NAE1: variants seen among roughly 807,000 people sequenced by gnomAD.
The protein encoded by NAE1 is NEDD8 activating enzyme E1 subunit 1.
Under a neutral mutation model 88.0 loss-of-function variants are expected in NAE1, and 59 were observed. The observed-to-expected ratio is 0.67, with a 90% CI of 0.54 to 0.83. The LOEUF is 0.83. NAE1 is among the 40% of genes least tolerant of loss of function. The pLI, the probability that NAE1 is intolerant of heterozygous loss-of-function variation, is 0.00. For missense variants in NAE1, 554 were observed against 632.8 expected, an observed-to-expected ratio of 0.88 and a Z score of 1.34; for synonymous variants, 186 against 208.9, an observed-to-expected ratio of 0.89 and a Z score of 0.95.
chr16:66,817,035 T>C lies in NAE1; in HGVS notation c.685-7A>G. On this transcript the variant is annotated splice_polypyrimidine_tract_variant and splice_region_variant and intron_variant, in intron 9 of 19. Coordinates refer to ENST00000290810, the MANE Select transcript of NAE1 (RefSeq NM_003905.4). The stretch of plus-strand genomic sequence containing the variant: ...TAGGTATTCGTCCATTTGTCTAAAT[T>C]GGTTAAAAATTTTAAAAATCTAGTT... 1.3e-6 allele frequency: 2 copies of C among 1,583,140 alleles called. No homozygotes were observed. Among genetic ancestry groups the C allele is most frequent in the East Asian group, 4.5e-5 (2 of 44,306 alleles).
Position 66,813,421 on chromosome 16 carries a change from A to T in NAE1, c.1034+143T>A. 2.9e-6 allele frequency: 3 copies of T among 1,018,418 alleles called. No individual in the cohort carries two copies. The South Asian group carries it at 5.3e-5, about 18-fold the overall frequency. 63.1% of individuals were successfully genotyped at this position (1,018,418 alleles called of 1,614,324 possible). A position where few individuals can be genotyped will look rare whatever the true frequency, so the allele number is the denominator to read the frequency against. Reference sequence around the variant, plus strand: ...CTCCCAAAGTGTTGGGATTACAGGCATGAGCCACTGCAGCTGGCCTAGTTT... The same window carrying T: ...CTCCCAAAGTGTTGGGATTACAGGCTTGAGCCACTGCAGCTGGCCTAGTTT... On this transcript the variant is annotated intron_variant, in intron 13 of 19. Transcript: ENST00000290810.
intron 13 of NAE1, among the ~76,000 whole-genome samples, chr16:66,812,513 CTTTTTTTTTT>C (rs961953416): frequency 2.9e-5 from 3 of 103,678 alleles, no homozygotes; most frequent in Non-Finnish European, 3.8e-5. Flanking sequence ...CCCCTAAGTT[CTTTTTTTTTT>C]TTTTTTTTTT....
In NAE1 at chr16:66,812,886, G is replaced by A. The variant is rs551428561; in HGVS notation, c.1034+678C>T. Among the ~76,000 whole-genome samples, 12 of 147,254 alleles carry A rather than the reference G, an allele frequency of 8.1e-5. No individual in the cohort carries two copies. The East Asian group carries it at 1.8e-3, about 22-fold the overall frequency. ...CGCCCAGGCTGGAGTGCAGTGGTGC[G>A]ATCTCCGCTCACTGCAAGCTCCGCC... On this transcript the variant is annotated intron_variant, in intron 13 of 19. Transcript: ENST00000290810.
chr16:66,817,859 T>G (rs546251933), intron 8 of NAE1, among the ~76,000 whole-genome samples: 53 of 152,320 alleles, frequency 3.5e-4, no homozygotes, highest in African/African-American at 1.2e-3. Context: ...AAAAAATACA[T>G]ATACGCCTTA....
intron 19 of NAE1, among the ~76,000 whole-genome samples, chr16:66,803,709 G>A (rs1959446835): frequency 6.6e-6 from 1 of 151,804 alleles, no homozygotes; most frequent in Admixed American, 6.6e-5. Context: ...TCTTGCCTCA[G>A]CCTCCCAAGT....
In NAE1 at chr16:66,803,024, T is replaced by G. The variant is rs1343392117; in HGVS notation, c.1590A>C (p.Ala530=). 7 of 1,604,066 alleles carry G rather than the reference T, an allele frequency of 4.4e-6. No individual in the cohort carries two copies. The African/African-American group carries it at 9.4e-5, about 21-fold the overall frequency. Reference sequence around the variant, plus strand: ...CTTGCTTACTCTACAACTGGAAAGTTGCTGAAGTTTGTGACATGCCACTGT... The same window carrying G: ...CTTGCTTACTCTACAACTGGAAAGTGGCTGAAGTTTGTGACATGCCACTGT... ...YIYSGMSQTS[A]TFQL is the part of the protein sequence containing the mutation. Residue 530 remains alanine, a synonymous_variant, in exon 20 of 20, where the codon GCA becomes GCC. Transcript: ENST00000290810.
chr16:66,817,839 T>C (rs1960106963), intron 8 of NAE1, among the ~76,000 whole-genome samples: 1 of 152,188 alleles, frequency 6.6e-6, no homozygotes. Flanking sequence ...TTAATTAATA[T>C]GGAAGTGGGA....
chr16:66,810,020 A>G (rs1475384388), intron 15 of NAE1, among the ~76,000 whole-genome samples: 1 of 152,188 alleles, frequency 6.6e-6, no homozygotes, highest in African/African-American at 2.4e-5. Context: ...AATATTGTCA[A>G]TGTACATGTG....
rs141151787 is a variant in NAE1, at chr16:66,803,085, G to C, written c.1529C>G (p.Thr510Ser). The C allele has an allele frequency of 1.3e-4, 210 of 1,611,914 alleles. 1 individual carries two copies. Among genetic ancestry groups the C allele is most frequent in the Non-Finnish European group, 2.2e-5 (26 of 1,178,938 alleles). The change falls in exon 20 of 20, where the codon ACC (threonine) becomes AGC (serine). Residue 510 changes from threonine to serine, a missense_variant. Coordinates refer to ENST00000290810, the MANE Select transcript of NAE1 (RefSeq NM_003905.4). The part of the protein sequence containing the change: ...AAAQEVIKII[T>S]KQFVIFNNTY... ...ATTATTAAAAATTACAAATTGTTTG[G>C]TGATTATTTTGATGACCTCTTGAGC... is the stretch of plus-strand genomic sequence containing the variant.
chr16:66,818,232 G>T (rs1597045454), intron 8 of NAE1, among the ~76,000 whole-genome samples: 3 of 150,000 alleles, frequency 2.0e-5, no homozygotes, highest in African/African-American at 2.5e-5. Flanking sequence ...ATTTTTTTTT[G>T]GTACCCATTA....
intron 1 of NAE1, among the ~76,000 whole-genome samples, chr16:66,829,570 G>A (rs1960609208): frequency 1.3e-5 from 2 of 152,186 alleles, no homozygotes; most frequent in Admixed American, 1.3e-4. Flanking sequence ...TACAGCACTA[G>A]GCTGGTGGCG....
Position 66,813,841 on chromosome 16 carries a change from TG to T in NAE1, c.845del (p.Pro282GlnfsTer14), listed in dbSNP as rs776092448. On this transcript the variant is annotated frameshift_variant, in exon 12 of 20. Transcript: ENST00000290810. LOFTEE classifies it high-confidence loss of function. The part of the protein sequence containing the change: ...VNTALNTTQI[P>X]SSIEDIFNDD... ...CATTAAATATATCTTCAATACTGCT[TG>T]GGATCTAACAAAGGAACATGAAACA... 2 of 1,612,800 alleles carry T rather than the reference TG, an allele frequency of 1.2e-6. No individual in the cohort carries two copies. Among genetic ancestry groups the T allele is most frequent in the South Asian group, 2.2e-5 (2 of 90,732 alleles).
chr16:66,808,492 A>AT (rs1194949375), intron 17 of NAE1, 29 bp downstream of exon 17: 2 of 1,335,020 alleles, frequency 1.5e-6, no homozygotes, highest in Non-Finnish European at 2.1e-6. Flanking sequence ...AGATCTTATT[A>AT]TATCTGGTAA....
At chr16:66,818,779 TC>T in intron 7 of NAE1, 142 bp from the exon 8 acceptor site, 1 of 1,085,960 alleles carries the variant, frequency 9.2e-7, no homozygotes, top group Non-Finnish European at 1.2e-6. Flanking sequence ...GAAGGGATCC[TC>T]CCACCTCAGC....
Position 66,810,682 on chromosome 16 carries a change from T to A in NAE1, c.1110+15A>T. 1 of 1,611,722 alleles carries A rather than the reference T, an allele frequency of 6.2e-7. No individual in the cohort carries two copies. Among genetic ancestry groups the A allele is most frequent in the South Asian group, 1.1e-5 (1 of 90,966 alleles). ...TGCTGAGGCCTGTATGGGCACAGTG[T>A]GCCCAGTAGCTTACCTGGCCAATGG... On this transcript the variant is annotated intron_variant, in intron 14 of 19. Transcript: ENST00000290810.
chr16:66,822,983 T>C (rs1290998086), intron 6 of NAE1, among the ~76,000 whole-genome samples: 2 of 146,050 alleles, frequency 1.4e-5, no homozygotes, highest in Non-Finnish European at 3.0e-5. Context: ...TCTGAAACTC[T>C]TGACCAGGCA....
At chr16:66,812,004 T>C (rs1363695144) in intron 13 of NAE1, among the ~76,000 whole-genome samples, 1 of 152,212 alleles carries the variant, frequency 6.6e-6, no homozygotes, top group Non-Finnish European at 1.5e-5. Flanking sequence ...AGGGTCATAT[T>C]CATTGAGACC....
chr16:66,822,139 T>A (rs1295277268), intron 6 of NAE1, among the ~76,000 whole-genome samples: 1 of 152,214 alleles, frequency 6.6e-6, no homozygotes, highest in Non-Finnish European at 1.5e-5. Flanking sequence ...CTGCTGGAAT[T>A]ACAGGCATGA....
At chr16:66,814,699 C>G (rs1242928310) in intron 11 of NAE1, among the ~76,000 whole-genome samples, 1 of 152,006 alleles carries the variant, frequency 6.6e-6, no homozygotes, top group African/African-American at 2.4e-5. Context: ...TAACTGCTCT[C>G]TCTGCTTCCA....
Sources: gnomAD v4.1 joint callset for allele counts (sites outside exome capture counted in the v4.1 genomes callset) on GRCh38, gnomAD v4.1.1 for gene constraint, MANE v1.5 for transcripts, NCBI Gene and HGNC (gene_info 2026-07-23, HGNC 2026-07-21) for gene names.